Variants in FOXO3 observed in about 807,000 individuals in gnomAD.
The protein encoded by FOXO3 is forkhead box O3.
Under a neutral mutation model 41.9 loss-of-function variants are expected in FOXO3, and 4 were observed. That is an observed-to-expected ratio of 0.10 (90% CI 0.05 to 0.22). FOXO3 has a LOEUF of 0.22. Among genes scored for constraint, FOXO3 ranks in the 10% least tolerant of loss-of-function variants. The pLI, the probability that FOXO3 is intolerant of heterozygous loss-of-function variation, is 1.00. For missense variants in FOXO3, 534 were observed against 906.8 expected (o/e 0.59, Z 5.28); for synonymous variants, 318 against 389.3 (o/e 0.82, Z 2.16).
At chr6:108,593,712 C>CTTTTTTTTTTTTTTTTTTT (rs34228633) in intron 1 of FOXO3, among the ~76,000 whole-genome samples, 11 of 83,330 alleles carry the variant, frequency 1.3e-4, no homozygotes, top group Non-Finnish European at 1.8e-4. Flanking sequence ...TTTTCTTCTT[C>CTTTTTTTTTTTTTTTTTTT]TTTTTTTTTT....
chr6:108,583,697 T>C (rs1461630937), intron 1 of FOXO3, among the ~76,000 whole-genome samples: 2 of 152,228 alleles, frequency 1.3e-5, no homozygotes, highest in Non-Finnish European at 2.9e-5. Context: ...TTTGGCAGTC[T>C]CTGGAATAAG....
chr6:108,561,295 A>C lies in FOXO3; in HGVS notation c.87A>C (p.Arg29=). ...DPEFEPQSRP[R]SCTWPLQRPE... ...AGTTCGAGCCCCAGAGCCGTCCGCG[A>C]TCCTGTACGTGGCCCCTGCAAAGGC... The change falls in exon 1 of 3, where the codon CGA becomes CGC. Residue 29 remains arginine, a synonymous_variant. Transcript: ENST00000406360. 1.3e-6 allele frequency: 2 copies of C among 1,569,296 alleles called. No individual in the cohort carries two copies. The highest frequency in any genetic ancestry group is 1.7e-6 in the Non-Finnish European group (2 of 1,159,960).
chr6:108,602,604 T>A (rs533505282), intron 1 of FOXO3, among the ~76,000 whole-genome samples: 1 of 152,206 alleles, frequency 6.6e-6, no homozygotes, highest in South Asian at 2.1e-4. Flanking sequence ...TCCCTCATAT[T>A]TATCCAGAAG....
intron 1 of FOXO3, among the ~76,000 whole-genome samples, chr6:108,595,200 G>A (rs1776844409): frequency 6.6e-6 from 1 of 152,138 alleles, no homozygotes; most frequent in Non-Finnish European, 1.5e-5. Flanking sequence ...TCTTATTTCT[G>A]TTGAGCTTAT....
intron 1 of FOXO3, among the ~76,000 whole-genome samples, chr6:108,612,697 A>T (rs1777397380): frequency 1.3e-5 from 2 of 152,030 alleles, no homozygotes; most frequent in African/African-American, 4.8e-5. Context: ...AAAATAAAAA[A>T]AAAATTTTTT....
intron 2 of FOXO3, among the ~76,000 whole-genome samples, chr6:108,671,691 G>A (rs544271497): frequency 1.3e-5 from 2 of 152,270 alleles, no homozygotes; most frequent in East Asian, 1.9e-4. Flanking sequence ...AAGCAGCCAC[G>A]CCAGTCTTAA....
intron 1 of FOXO3, among the ~76,000 whole-genome samples, chr6:108,631,301 G>A (rs904635583): frequency 2.6e-5 from 4 of 152,184 alleles, no homozygotes; most frequent in African/African-American, 7.2e-5. Context: ...ATCTGGACCA[G>A]CATAGTGTGG....
At chr6:108,672,735 C>T (rs937204926) in intron 2 of FOXO3, among the ~76,000 whole-genome samples, 3 of 152,134 alleles carry the variant, frequency 2.0e-5, no homozygotes, top group Admixed American at 2.0e-4. Flanking sequence ...CTCCCTCTCC[C>T]TGTCTCTTCC....
At chr6:108,660,592 C>T (rs1193865803) in intron 1 of FOXO3, among the ~76,000 whole-genome samples, 1 of 152,198 alleles carries the variant, frequency 6.6e-6, no homozygotes, top group South Asian at 2.1e-4. Context: ...CTGGGCTGGG[C>T]GTGGTGGCTC....
intron 1 of FOXO3, among the ~76,000 whole-genome samples, chr6:108,572,764 T>A (rs1776140635): frequency 6.6e-6 from 1 of 152,212 alleles, no homozygotes; most frequent in African/African-American, 2.4e-5. Flanking sequence ...TATTGAGCCC[T>A]TATTATGTGC....
In FOXO3 at chr6:108,584,943, C is replaced by T. The variant is rs189056784; in HGVS notation, c.621+23114C>T. On this transcript the variant is annotated intron_variant, in intron 1 of 2. Transcript: ENST00000406360. ...CCTGCACAGGGTGGTAGAGCTGGCC[C>T]GTTTTGAAATGAGAAGTTGAATTCC... is the stretch of plus-strand genomic sequence containing the variant. 2.5e-3 allele frequency among the ~76,000 whole-genome samples: 366 copies of T among 145,928 alleles called. 2 individuals carry two copies. Among genetic ancestry groups the T allele is most frequent in the Non-Finnish European group, 4.0e-3 (269 of 66,606 alleles).
intron 1 of FOXO3, among the ~76,000 whole-genome samples, chr6:108,567,937 AC>A (rs1386345119): frequency 2.0e-5 from 3 of 152,104 alleles, no homozygotes; most frequent in Admixed American, 2.0e-4. Flanking sequence ...AATCCCAGCT[AC>A]TAGGGAGGCT....
intron 1 of FOXO3, among the ~76,000 whole-genome samples, chr6:108,617,134 G>T (rs1777537724): frequency 1.3e-5 from 2 of 152,136 alleles, no homozygotes; most frequent in African/African-American, 4.8e-5. Flanking sequence ...ATGTCTTTGG[G>T]TATATGCCTA....
chr6:108,663,004 A>G (rs547500309), intron 1 of FOXO3, among the ~76,000 whole-genome samples: 2 of 152,324 alleles, frequency 1.3e-5, no homozygotes, highest in Admixed American at 1.3e-4. Flanking sequence ...TTATTCTCAA[A>G]GAGGGTCATG....
chr6:108,572,400 C>G (rs1776127070), intron 1 of FOXO3, among the ~76,000 whole-genome samples: 1 of 152,162 alleles, frequency 6.6e-6, no homozygotes, highest in East Asian at 1.9e-4. Context: ...TTGGTTCAAG[C>G]CTTGTAGAGT....
chr6:108,632,918 TTAGTA>T (rs1778016811), intron 1 of FOXO3, among the ~76,000 whole-genome samples: 1 of 152,184 alleles, frequency 6.6e-6, no homozygotes, highest in South Asian at 2.1e-4. Context: ...AAATCATATG[TTAGTA>T]TATTACAGTT....
rs1177489038 is a variant in FOXO3, at chr6:108,614,801, A to G, written c.622-48654A>G. On this transcript the variant is annotated intron_variant, in intron 1 of 2. Transcript: ENST00000406360. Reference sequence around the variant, plus strand: ...TTGGGTTTAAATCTGTTATCTTGCTATTAGTTTTCTATTTGTCCCATTTGT... The same window carrying G: ...TTGGGTTTAAATCTGTTATCTTGCTGTTAGTTTTCTATTTGTCCCATTTGT... Among the ~76,000 whole-genome samples, 6 of 150,454 alleles carry G rather than the reference A, an allele frequency of 4.0e-5. No individual in the cohort carries two copies. The East Asian group carries it at 5.8e-4, about 15-fold the overall frequency.
Position 108,618,222 on chromosome 6 carries a change from C to G in FOXO3, c.622-45233C>G. ...TGCACCACAGAACCACCCTGCCCCACCACCTTCAAATTAATATGATTGTTC... is the reference window on the plus strand; with the variant it reads ...TGCACCACAGAACCACCCTGCCCCAGCACCTTCAAATTAATATGATTGTTC... On this transcript the variant is annotated intron_variant, in intron 1 of 2. Transcript: ENST00000406360. 3.6e-6 allele frequency: 3 copies of G among 838,662 alleles called. No homozygotes were observed. The East Asian group carries it at 7.3e-5, about 20-fold the overall frequency. 52.0% of individuals were successfully genotyped at this position (838,662 alleles called of 1,614,324 possible). A position where few individuals can be genotyped will look rare whatever the true frequency, so the allele number is the denominator to read the frequency against.
intron 1 of FOXO3, among the ~76,000 whole-genome samples, chr6:108,608,887 C>G (rs1207604472): frequency 6.6e-6 from 1 of 152,174 alleles, no homozygotes; most frequent in Middle Eastern, 3.2e-3. Context: ...CCTAAATTCC[C>G]AGGACAGATT....
Sources: allele counts gnomAD v4.1 joint callset (sites outside exome capture counted in the v4.1 genomes callset), GRCh38; gene constraint gnomAD v4.1.1; transcripts MANE v1.5; gene names NCBI Gene and HGNC (gene_info 2026-07-23, HGNC 2026-07-21).